Variants in DNAH5 observed in about 807,000 individuals in gnomAD.
The protein encoded by DNAH5 is axonemal beta dynein heavy chain 5.
DNAH5 carries 372 observed loss-of-function variants against 518.2 expected under a neutral mutation model. That is an observed-to-expected ratio of 0.72 (90% CI 0.66 to 0.78). The LOEUF (loss-of-function observed/expected upper bound fraction) is 0.78. DNAH5 is among the 30% of genes least tolerant of loss of function. The probability of loss-of-function intolerance (pLI) is 0.00; values close to 1 mark genes in which losing one functional copy is unlikely to be tolerated. For synonymous variants in DNAH5, 2,039 were observed against 2,025.9 expected (o/e 1.01, Z -0.17); for missense variants, 5,523 against 5,687.0 (o/e 0.97, Z 0.93).
At chr5:13,871,843 G>T in intron 22 of DNAH5, 78 bp from the exon 23 acceptor site, 2 of 1,260,324 alleles carry the variant, frequency 1.6e-6, no homozygotes, top group Non-Finnish European at 2.3e-6. Flanking sequence ...TTTACCAACT[G>T]CTGGTGGTTC....
intron 77 of DNAH5, 111 bp from the exon 78 acceptor site, chr5:13,700,982 A>G: frequency 1.7e-6 from 2 of 1,149,548 alleles, no homozygotes; most frequent in Admixed American, 3.7e-5. Context: ...AAGGACGTAC[A>G]ATAGTATTTA....
Position 13,793,521 on chromosome 5 carries a change from T to G in DNAH5, c.8218A>C (p.Ile2740Leu), listed in dbSNP as rs1561274564. Residue 2740 changes from isoleucine to leucine, a missense_variant, in exon 49 of 79, where the codon ATC (isoleucine) becomes CTC (leucine). Around this residue, in one of 3 missense-constraint regions of DNAH5, gnomAD observed 5,121 missense variants for 5,223.3 expected, o/e 0.98. Coordinates refer to ENST00000265104, the MANE Select transcript of DNAH5 (RefSeq NM_001369.3). Reference protein sequence around the residue: ...TLPSEASVDKIFGVIGVGHYC... With the variant: ...TLPSEASVDKLFGVIGVGHYC... ...ACATCCTCTTGATCTTTACCAAAGA[T>G]CTTGTCCACAGAAGCTTCAGAGGGC... is the stretch of plus-strand genomic sequence containing the variant. 1.9e-6 allele frequency: 3 copies of G among 1,612,594 alleles called. No individual in the cohort carries two copies. In the East Asian group the frequency reaches 6.7e-5, roughly 36 times the overall value.
intron 68 of DNAH5, among the ~76,000 whole-genome samples, chr5:13,733,608 G>T (rs1437535709): frequency 6.6e-6 from 1 of 152,104 alleles, no homozygotes; most frequent in African/African-American, 2.4e-5. Flanking sequence ...GTGTTTAATG[G>T]TTAGACACAA....
intron 68 of DNAH5, among the ~76,000 whole-genome samples, chr5:13,734,852 ATTATT>A (rs1747135463): frequency 6.6e-6 from 1 of 152,084 alleles, no homozygotes; most frequent in African/African-American, 2.4e-5. Context: ...AAATTCATTT[ATTATT>A]TTATTTTTTT....
intron 22 of DNAH5, among the ~76,000 whole-genome samples, chr5:13,873,910 G>C (rs541526513): frequency 3.3e-5 from 5 of 152,210 alleles, no homozygotes; most frequent in African/African-American, 1.2e-4. Flanking sequence ...AGCTGATAAA[G>C]AATAAACAGT....
At chr5:13,943,860 T>G (rs1285730595) in intron 1 of DNAH5, among the ~76,000 whole-genome samples, 2 of 152,182 alleles carry the variant, frequency 1.3e-5, no homozygotes, top group Admixed American at 6.5e-5. Context: ...TCTCTATGCA[T>G]TTGCATAATA....
intron 1 of DNAH5, among the ~76,000 whole-genome samples, chr5:13,932,672 G>T (rs1244330884): frequency 1.3e-5 from 2 of 152,218 alleles, no homozygotes; most frequent in Non-Finnish European, 2.9e-5. Flanking sequence ...AGCTGTCTGT[G>T]CAGCACTGAA....
At position 13,900,230 on chromosome 5, in the gene DNAH5, G is replaced by A. The variant is rs139916610; in HGVS notation, c.2235C>T (p.Tyr745=). 1.3e-4 allele frequency: 204 copies of A among 1,613,972 alleles called. 3 individuals carry two copies. The South Asian group carries it at 1.9e-3, about 15-fold the overall frequency. The part of the protein sequence containing the change: ...ATSLFQKRDR[Y]KRNFSNMKMM... ...CCTTCATGTTACTGAAGTTCCTTTTGTATCTATCTCGTTTCTGGAAGAGGG... is the reference window on the plus strand; with the variant it reads ...CCTTCATGTTACTGAAGTTCCTTTTATATCTATCTCGTTTCTGGAAGAGGG... Residue 745 remains tyrosine, a synonymous_variant, in exon 15 of 79, where the codon TAC becomes TAT. Coordinates refer to ENST00000265104, the MANE Select transcript of DNAH5 (RefSeq NM_001369.3).
chr5:13,951,523 A>G (rs1379866364), intron 1 of DNAH5, among the ~76,000 whole-genome samples: 1 of 151,972 alleles, frequency 6.6e-6, no homozygotes, highest in Non-Finnish European at 1.5e-5. Context: ...CCTGGCCCAT[A>G]TTCTCTCTTT....
At chr5:13,823,199 C>T in intron 40 of DNAH5, 64 bp downstream of exon 40, 1 of 1,129,986 alleles carries the variant, frequency 8.8e-7, no homozygotes, top group Non-Finnish European at 1.4e-6. Context: ...AGCAGCCCCA[C>T]TTTATTCCCA....
Position 13,817,682 on chromosome 5 carries a change from G to A in DNAH5, c.6854C>T (p.Pro2285Leu). The change falls in exon 42 of 79, where the codon CCA becomes CTA. Residue 2285 changes from proline (P) to leucine (L), a missense_variant. Pro to Leu is a moderately conservative substitution (Grantham distance 98). This residue lies in a region of DNAH5 where 5,121 missense variants were observed against 5,223.3 expected (regional missense o/e 0.98). Coordinates refer to ENST00000265104, the MANE Select transcript of DNAH5 (RefSeq NM_001369.3). ...LMRAMTDCGK[P>L]HREMRMNPKA... ...GGGATTCATCCTCATTTCCCGATGT[G>A]GTTTTCCACAATCTATACCAAGTAA... is the stretch of plus-strand genomic sequence containing the variant. 2 of 1,614,084 alleles carry A rather than the reference G, an allele frequency of 1.2e-6. No homozygotes were observed.
At position 13,982,140 on chromosome 5, in the gene DNAH5, T is replaced by C. The variant is rs114084560; in HGVS notation, c.12+29508A>G. ...GCAAGGCGAGCTTCTTACCACCTGG[T>C]TTGAAATCTCCCGGATGAAGATCTA... On this transcript the variant is annotated intron_variant, in intron 1 of 78. Transcript: ENST00000681290. Among the ~76,000 whole-genome samples the C allele has an allele frequency of 2.3e-3, 347 of 152,374 alleles. 1 individual carries two copies. The highest frequency in any genetic ancestry group is 8.1e-3 in the African/African-American group (335 of 41,594).
At position 13,754,321 on chromosome 5, in the gene DNAH5, T is replaced by G. The variant is rs139881808; in HGVS notation, c.10437A>C (p.Ala3479=). The change falls in exon 62 of 79, where the codon GCA becomes GCC. Residue 3479 remains alanine (A), a synonymous_variant. Coordinates refer to ENST00000265104, the MANE Select transcript of DNAH5 (RefSeq NM_001369.3). ...MTEKQTLLED[A]ERCRHKMQTA... ...TCTGCATCTTGTGTCTGCATCGCTC[T>G]GCATCTTCAAGCAAGGTCTAACAAA... 9 of 1,614,106 alleles carry G rather than the reference T, an allele frequency of 5.6e-6. No individual in the cohort carries two copies. The highest frequency in any genetic ancestry group is 7.6e-6 in the Non-Finnish European group (9 of 1,179,972).
At chr5:13,693,522 A>G (rs1226074367) in intron 78 of DNAH5, among the ~76,000 whole-genome samples, 12 of 152,240 alleles carry the variant, frequency 7.9e-5, no homozygotes, top group Admixed American at 6.5e-4. Context: ...AATATAAAAT[A>G]AATAATCCTA....
At chr5:13,736,449 C>G (rs539537372) in intron 66 of DNAH5, among the ~76,000 whole-genome samples, 1 of 152,134 alleles carries the variant, frequency 6.6e-6, no homozygotes, top group Non-Finnish European at 1.5e-5. Context: ...GGCTGGAGTA[C>G]AGTGGCGTGA....
intron 55 of DNAH5, 121 bp from the exon 56 acceptor site, chr5:13,771,101 G>T: frequency 2.3e-6 from 2 of 857,448 alleles, no homozygotes; most frequent in Non-Finnish European, 3.7e-6. Flanking sequence ...TGTAGCCCCA[G>T]CTAGGTAGAT....
At position 13,737,498 on chromosome 5, in the gene DNAH5, A is replaced by G; in HGVS notation, c.11212-3T>C. On this transcript the variant is annotated splice_region_variant and splice_polypyrimidine_tract_variant and intron_variant, in intron 65 of 78. Transcript: ENST00000265104. The stretch of plus-strand genomic sequence containing the variant: ...TGAGTTCTTTCTTTCTCCAATTCCT[A>G]TTAATTTGCATAAATATATTTTCTA... 2 of 1,613,368 alleles carry G rather than the reference A, an allele frequency of 1.2e-6. No individual in the cohort carries two copies. The highest frequency in any genetic ancestry group is 1.1e-5 in the South Asian group (1 of 91,080).
chr5:13,773,996 G>A (rs1379252086), intron 55 of DNAH5, among the ~76,000 whole-genome samples: 1 of 152,070 alleles, frequency 6.6e-6, no homozygotes, highest in African/African-American at 2.4e-5. Context: ...AGCCTGGGGA[G>A]GTAGGTAGGA....
intron 1 of DNAH5, among the ~76,000 whole-genome samples, chr5:13,962,966 TC>T (rs1561012192): frequency 1.3e-5 from 2 of 152,024 alleles, no homozygotes; most frequent in African/African-American, 4.8e-5. Context: ...CAGCGGTGCA[TC>T]CACCACAGTC....
Sources: gnomAD v4.1 joint callset for allele counts (sites outside exome capture counted in the v4.1 genomes callset) on GRCh38, gnomAD v4.1.1 for gene constraint, gnomAD v4.1.1 regional missense constraint, MANE v1.5 for transcripts, NCBI Gene and HGNC (gene_info 2026-07-23, HGNC 2026-07-21) for gene names.